The following SLCO5A1 variants were observed in gnomAD, a reference collection of about 807,000 sequenced individuals.
SLCO5A1 encodes the protein solute carrier organic anion transporter family member 5A1, also known as organic anion transporter polypeptide-related protein 4.
SLCO5A1 carries 39 observed loss-of-function variants against 65.1 expected under a neutral mutation model. The ratio of observed to expected loss-of-function variants is 0.60; its 90% CI spans 0.46 to 0.78. SLCO5A1 has a LOEUF of 0.78. Ranked by LOEUF, SLCO5A1 falls within the 30% of genes least tolerant of loss-of-function variation. SLCO5A1 has a pLI of 0.00. For missense variants in SLCO5A1, 1,029 were observed against 1,069.4 expected, an observed-to-expected ratio of 0.96 and a Z score of 0.53; for synonymous variants, 438 against 415.7, an observed-to-expected ratio of 1.05 and a Z score of -0.65.
intron 2 of SLCO5A1, among the ~76,000 whole-genome samples, chr8:69,819,368 G>C (rs6472488): frequency 0.52 from 78,991 of 151,258 alleles, 20,780 homozygotes; most frequent in African/African-American, 0.59. Context: ...CCCCAGGCAG[G>C]CACACTGCTT....
chr8:69,741,359 C>G (rs1375026916), intron 4 of SLCO5A1, among the ~76,000 whole-genome samples: 1 of 152,082 alleles, frequency 6.6e-6, no homozygotes, highest in Non-Finnish European at 1.5e-5. Flanking sequence ...ATACATAAAG[C>G]GAGGTCATGT....
At chr8:69,795,669 G>T (rs945731186) in intron 2 of SLCO5A1, among the ~76,000 whole-genome samples, 12 of 152,152 alleles carry the variant, frequency 7.9e-5, no homozygotes, top group Non-Finnish European at 1.8e-4. Context: ...ACTATTCTGG[G>T]GTCTGGAGGA....
chr8:69,737,739 A>G (rs1007093775), intron 5 of SLCO5A1, among the ~76,000 whole-genome samples: 5 of 152,168 alleles, frequency 3.3e-5, no homozygotes, highest in Admixed American at 2.0e-4. Context: ...AAAAAGATCT[A>G]TTTAGATTTA....
chr8:69,710,749 G>A (rs1264199180), intron 5 of SLCO5A1, among the ~76,000 whole-genome samples: 1 of 152,018 alleles, frequency 6.6e-6, no homozygotes, highest in African/African-American at 2.4e-5. Flanking sequence ...TTAGCATTAG[G>A]CTCTCAAAAA....
chr8:69,739,097 C>T (rs1305584117), intron 4 of SLCO5A1, among the ~76,000 whole-genome samples: 1 of 152,100 alleles, frequency 6.6e-6, no homozygotes, highest in Non-Finnish European at 1.5e-5. Context: ...CATAAAAGAA[C>T]TCCAAGAAAT....
At chr8:69,825,587 T>C (rs913595958) in intron 2 of SLCO5A1, among the ~76,000 whole-genome samples, 1 of 152,058 alleles carries the variant, frequency 6.6e-6, no homozygotes, top group African/African-American at 2.4e-5. Flanking sequence ...ATAAAGGACC[T>C]CTTCAAGGAG....
rs1219941259 is a variant in SLCO5A1 at position 69,832,058 on chromosome 8, C to G, written c.616G>C (p.Ala206Pro). ...LWLAVGGLLI[A>P]FGAALFALPH... is the part of the protein sequence containing the mutation. ...AAGGCGAAGAGGGCTGCCCCGAAGGCGATGAGGAGTCCACCCACGGCCAGC... is the reference window on the plus strand; with the variant it reads ...AAGGCGAAGAGGGCTGCCCCGAAGGGGATGAGGAGTCCACCCACGGCCAGC... Residue 206 changes from alanine to proline, a missense_variant, in exon 2 of 10, where the codon GCC becomes CCC. This residue lies in a region of SLCO5A1 where 647 missense variants were observed against 647.5 expected (regional missense o/e 1.00). Coordinates refer to ENST00000260126, the MANE Select transcript of SLCO5A1 (RefSeq NM_030958.3). The surrounding 1 kb of genome is among the most constrained non-coding windows in gnomAD (Gnocchi z 4.5). The G allele has an allele frequency of 6.2e-7, 1 of 1,612,738 alleles. No homozygotes were observed. Among genetic ancestry groups the G allele is most frequent in the Admixed American group, 1.7e-5 (1 of 59,910 alleles).
intron 4 of SLCO5A1, among the ~76,000 whole-genome samples, chr8:69,751,690 G>A (rs1459395055): frequency 6.6e-6 from 1 of 152,034 alleles, no homozygotes; most frequent in Non-Finnish European, 1.5e-5. Context: ...GGGATTACAG[G>A]TGCTCACCAC....
At chr8:69,784,811 AAAAGAAAGAAAGAAAG>A (rs56110450) in intron 2 of SLCO5A1, among the ~76,000 whole-genome samples, 2,874 of 70,958 alleles carry the variant, frequency 0.041, 303 homozygotes, top group East Asian at 0.24. Context: ...GAAAGAAAGA[AAAAGAAAGAAAGAAAG>A]AAAGAAAGAA....
chr8:69,712,559 A>G (rs952679534), intron 5 of SLCO5A1, among the ~76,000 whole-genome samples: 9 of 152,202 alleles, frequency 5.9e-5, no homozygotes, highest in Non-Finnish European at 1.3e-4. Flanking sequence ...TTCATTATCA[A>G]GAATGTATTA....
At chr8:69,777,684 T>C (rs2130879586) in intron 2 of SLCO5A1, among the ~76,000 whole-genome samples, 1 of 152,358 alleles carries the variant, frequency 6.6e-6, no homozygotes, top group African/African-American at 2.4e-5. Flanking sequence ...AAATTTCATA[T>C]TGTTCAGCTC....
In SLCO5A1 at chr8:69,832,102, C is replaced by G; in HGVS notation, c.572G>C (p.Arg191Pro). ...VVVFVSYFGG[R>P]GRRPLWLAVG... ...GGCCAGCCACAGGGGCCGCCGACCC[C>G]GGCCGCCGAAGTAGCTGACGAACAC... Residue 191 changes from arginine to proline, a missense_variant, in exon 2 of 10, where the codon CGG (arginine) becomes CCG (proline). Arg to Pro is a moderately radical substitution (Grantham distance 103). Around this residue, in one of 3 missense-constraint regions of SLCO5A1, gnomAD observed 647 missense variants for 647.5 expected, o/e 1.00. Transcript: ENST00000260126. The surrounding 1 kb of genome is among the most constrained non-coding windows in gnomAD (Gnocchi z 4.5). The G allele has an allele frequency of 6.2e-7, 1 of 1,614,046 alleles. No individual in the cohort carries two copies. Among genetic ancestry groups the G allele is most frequent in the Non-Finnish European group, 8.5e-7 (1 of 1,180,026 alleles).
At chr8:69,711,438 AAAGC>A (rs1815253344) in intron 5 of SLCO5A1, among the ~76,000 whole-genome samples, 1 of 152,164 alleles carries the variant, frequency 6.6e-6, no homozygotes, top group Non-Finnish European at 1.5e-5. Flanking sequence ...GCGCAGGAGA[AAAGC>A]AGGTGGGGAA....
chr8:69,679,167 C>T (rs2130786746), intron 8 of SLCO5A1, among the ~76,000 whole-genome samples: 1 of 152,314 alleles, frequency 6.6e-6, no homozygotes, highest in Admixed American at 6.5e-5. Context: ...GAATAAAGAA[C>T]TTTCCAAAGT....
intron 5 of SLCO5A1, among the ~76,000 whole-genome samples, chr8:69,712,263 A>ACTTT (rs1231270953): frequency 1.3e-5 from 2 of 152,300 alleles, no homozygotes; most frequent in East Asian, 3.9e-4. Flanking sequence ...TAATTGTCCT[A>ACTTT]CTTTCTTTCT....
intron 5 of SLCO5A1, among the ~76,000 whole-genome samples, chr8:69,726,948 A>G (rs540043439): frequency 2.1e-4 from 32 of 152,252 alleles, no homozygotes; most frequent in African/African-American, 7.5e-4. Context: ...CTCATTTATT[A>G]CTAATAAATG....
intron 2 of SLCO5A1, among the ~76,000 whole-genome samples, chr8:69,808,630 C>T (rs1363670700): frequency 6.6e-6 from 1 of 152,130 alleles, no homozygotes; most frequent in Non-Finnish European, 1.5e-5. Flanking sequence ...AATGAACGAA[C>T]AAGTGCATTT....
chr8:69,748,045 T>C (rs1817117109), intron 4 of SLCO5A1, among the ~76,000 whole-genome samples: 1 of 152,122 alleles, frequency 6.6e-6, no homozygotes, highest in Admixed American at 6.6e-5. Context: ...GGTTTCCCAA[T>C]CATAAGGCCC....
At chr8:69,765,401 T>TATATATATATATATACACACACACACAC (rs918909833) in intron 2 of SLCO5A1, among the ~76,000 whole-genome samples, 158 of 149,658 alleles carry the variant, frequency 1.1e-3, no homozygotes, top group African/African-American at 3.8e-3. Context: ...TATATATATA[T>TATATATATATATATACACACACACACAC]ACACACACAC....
Sources: allele counts gnomAD v4.1 joint callset (sites outside exome capture counted in the v4.1 genomes callset), GRCh38; gene constraint gnomAD v4.1.1; regional missense constraint gnomAD v4.1.1; non-coding constraint Gnocchi (gnomAD v3.1); transcripts MANE v1.5; gene names NCBI Gene and HGNC (gene_info 2026-07-23, HGNC 2026-07-21).